PIK3C2A: variants seen among roughly 807,000 people sequenced by gnomAD.
PIK3C2A encodes phosphatidylinositol-4-phosphate 3-kinase catalytic subunit type 2 alpha, also known as phosphatidylinositol 4-phosphate 3-kinase C2 domain-containing subunit alpha.
PIK3C2A carries 97 observed loss-of-function variants against 204.5 expected under a neutral mutation model. The observed-to-expected ratio is 0.47, with a 90% CI of 0.40 to 0.56. The LOEUF (loss-of-function observed/expected upper bound fraction) is 0.56. PIK3C2A is among the 20% of genes least tolerant of loss of function. PIK3C2A has a pLI of 0.00. For missense variants in PIK3C2A, 1,735 were observed against 1,969.2 expected (o/e 0.88, Z 2.25); for synonymous variants, 653 against 664.4 (o/e 0.98, Z 0.26).
In PIK3C2A at chr11:17,135,677, ATG is replaced by A. The variant is rs35017690; in HGVS notation, c.1849-520_1849-519del. On this transcript the variant is annotated intron_variant, in intron 9 of 32. Transcript: ENST00000691414. ...TGATCACCTTCAAGTAATTTCATAT[ATG>A]TGTGTGTGTGTGTGTGTGTGTGTGT... Among the ~76,000 whole-genome samples, 3,581 of 147,460 alleles carry A rather than the reference ATG, an allele frequency of 0.024. 322 individuals are homozygous for A. The East Asian group carries it at 0.34, about 14-fold the overall frequency.
At chr11:17,181,281 T>C (rs949625902) in intron 1 of PIK3C2A, among the ~76,000 whole-genome samples, 2 of 152,042 alleles carry the variant, frequency 1.3e-5, no homozygotes, top group African/African-American at 2.4e-5. Context: ...AATCATGTTT[T>C]GGTCTTTCAG....
chr11:17,143,163 T>C (rs1475559725), intron 8 of PIK3C2A, among the ~76,000 whole-genome samples: 1 of 152,102 alleles, frequency 6.6e-6, no homozygotes, highest in Non-Finnish European at 1.5e-5. Context: ...TGAATAAATA[T>C]ATTTATATGT....
At chr11:17,186,598 T>C (rs1851759526) in intron 1 of PIK3C2A, among the ~76,000 whole-genome samples, 1 of 152,238 alleles carries the variant, frequency 6.6e-6, no homozygotes, top group African/African-American at 2.4e-5. Context: ...TTTAAAGTAT[T>C]TAGAAGCCAT....
At position 17,150,542 on chromosome 11, in the gene PIK3C2A, A is replaced by C. The variant is rs1177772627; in HGVS notation, c.1283T>G (p.Ile428Ser). The stretch of plus-strand genomic sequence containing the variant: ...TGGTAGCTGAAATCCTTCAATGTCA[A>C]TGGAGACCTTCACACTAGCATTTTC... The part of the protein sequence containing the change: ...CGENASVKVS[I>S]DIEGFQLPVT... Residue 428 changes from isoleucine to serine, a missense_variant, in exon 4 of 33, where the codon ATT becomes AGT. By Grantham distance (142) the Ile-to-Ser change is moderately radical. This residue lies in a region of PIK3C2A where 536 missense variants were observed against 546.7 expected (regional missense o/e 0.98). Coordinates refer to ENST00000691414, the MANE Select transcript of PIK3C2A (RefSeq NM_002645.4). The C allele has an allele frequency of 1.9e-6, 3 of 1,610,576 alleles. No individual in the cohort carries two copies. The highest frequency in any genetic ancestry group is 2.7e-5 in the African/African-American group (2 of 74,520).
At position 17,142,002 on chromosome 11, in the gene PIK3C2A, T is replaced by C. The variant is rs149228766; in HGVS notation, c.1704+3666A>G. ...AAAGGGAAATAATGAGGTCAAGTTA[T>C]GCATGTGTAGGGAAGGGGGTATATG... On this transcript the variant is annotated intron_variant, in intron 8 of 32. Coordinates refer to ENST00000691414, the MANE Select transcript of PIK3C2A (RefSeq NM_002645.4). Among the ~76,000 whole-genome samples the C allele has an allele frequency of 5.0e-3, 762 of 152,318 alleles. 4 individuals are homozygous for C. Among genetic ancestry groups the C allele is most frequent in the South Asian group, 7.7e-3 (37 of 4,828 alleles).
chr11:17,150,851 G>C (rs1029564688), intron 3 of PIK3C2A, among the ~76,000 whole-genome samples, 196 bp from the exon 4 acceptor site: 2 of 152,058 alleles, frequency 1.3e-5, no homozygotes, highest in Non-Finnish European at 2.9e-5. Flanking sequence ...AGAAACCCAA[G>C]GAAAAGGAAG....
At chr11:17,145,318 C>A (rs1383944311) in intron 8 of PIK3C2A, among the ~76,000 whole-genome samples, 2 of 152,042 alleles carry the variant, frequency 1.3e-5, no homozygotes, top group East Asian at 3.9e-4. Context: ...AAGGGTGGGA[C>A]CAGATGGCAA....
intron 18 of PIK3C2A, among the ~76,000 whole-genome samples, 200 bp from the exon 19 acceptor site, chr11:17,117,871 A>G (rs1849255589): frequency 1.3e-5 from 2 of 149,976 alleles, no homozygotes; most frequent in Non-Finnish European, 3.0e-5. Context: ...CCGCCACCAC[A>G]CCCGGCTAAT....
Position 17,089,821 on chromosome 11 carries a change from C to T in PIK3C2A, c.4978G>A (p.Gly1660Arg), listed in dbSNP as rs199845096. 20 of 1,613,872 alleles carry T rather than the reference C, an allele frequency of 1.2e-5. No homozygotes were observed. The East Asian group carries it at 4.5e-4, about 36-fold the overall frequency. The change falls in exon 33 of 33, where the codon GGA becomes AGA. Residue 1660 changes from glycine to arginine, a missense_variant. Gly to Arg is a moderately radical substitution (Grantham distance 125). This residue lies in a region of PIK3C2A where 503 missense variants were observed against 669.0 expected (regional missense o/e 0.75). Transcript: ENST00000691414. ...AAATCTTTCAAAGGCAGGGTTACTC[C>T]ACCCAAGAAAAAATTCTCCCGCAGA... is the stretch of plus-strand genomic sequence containing the variant. ...ESLRENFFLG[G>R]VTLPLKDFNL...
chr11:17,134,738 C>G (rs1849814343), intron 11 of PIK3C2A, 81 bp downstream of exon 11: 2 of 1,011,484 alleles, frequency 2.0e-6, no homozygotes, highest in South Asian at 2.7e-5. Context: ...TGGGGTCAAG[C>G]AATCCTCCCA....
chr11:17,193,193 A>G (rs1352672366), intron 1 of PIK3C2A, among the ~76,000 whole-genome samples: 1 of 152,222 alleles, frequency 6.6e-6, no homozygotes, highest in Non-Finnish European at 1.5e-5. Context: ...ACTGTAAGCC[A>G]AATAAATTTA....
At position 17,171,951 on chromosome 11, in the gene PIK3C2A, C is replaced by T. The variant is rs1281822428; in HGVS notation, c.-65-2145G>A. 3.3e-5 allele frequency among the ~76,000 whole-genome samples: 5 copies of T among 152,034 alleles called. No individual in the cohort carries two copies. In the East Asian group the frequency reaches 9.6e-4, roughly 29 times the overall value. Reference sequence around the variant, plus strand: ...TTTTAAAAGGTAAACTAATGGATAGCAGGATAGATGGATAAATATGTGATT... The same window carrying T: ...TTTTAAAAGGTAAACTAATGGATAGTAGGATAGATGGATAAATATGTGATT... On this transcript the variant is annotated intron_variant, in intron 1 of 32. Transcript: ENST00000691414.
At chr11:17,137,849 C>G in intron 8 of PIK3C2A, 1 of 308,728 alleles carries the variant, frequency 3.2e-6, no homozygotes, top group Non-Finnish European at 6.3e-6. Context: ...TAGATTTTGT[C>G]AATTGAACAC....
intron 1 of PIK3C2A, among the ~76,000 whole-genome samples, chr11:17,181,653 T>C (rs1008721900): frequency 0.79 from 81,278 of 102,658 alleles, 30,402 homozygotes; most frequent in Middle Eastern, 0.89. Flanking sequence ...TATATATATA[T>C]ATATATACAC....
chr11:17,116,015 G>A (rs911452569), intron 19 of PIK3C2A, among the ~76,000 whole-genome samples: 2 of 152,030 alleles, frequency 1.3e-5, no homozygotes, highest in African/African-American at 4.8e-5. Flanking sequence ...CTAAAAGCAT[G>A]AGCCACAAAA....
chr11:17,147,373 T>A, intron 6 of PIK3C2A, 144 bp downstream of exon 6: 1 of 584,832 alleles, frequency 1.7e-6, no homozygotes. Flanking sequence ...TCCCCTCATT[T>A]GCTAAGAAGA....
At chr11:17,200,215 G>A (rs1223074042) in intron 1 of PIK3C2A, among the ~76,000 whole-genome samples, 2 of 151,342 alleles carry the variant, frequency 1.3e-5, no homozygotes, top group Admixed American at 6.6e-5. Flanking sequence ...GAAAGTCATC[G>A]TCTTGATCGA....
chr11:17,132,315 A>ATTT (rs11307715), intron 11 of PIK3C2A, among the ~76,000 whole-genome samples: 7 of 78,780 alleles, frequency 8.9e-5, no homozygotes, highest in African/African-American at 2.1e-4. Flanking sequence ...ATTAACTTTA[A>ATTT]TTTTTTTTTT....
intron 26 of PIK3C2A, among the ~76,000 whole-genome samples, chr11:17,097,871 C>T (rs1168408766): frequency 2.6e-5 from 4 of 152,214 alleles, no homozygotes; most frequent in East Asian, 1.9e-4. Flanking sequence ...GCTGAGATTG[C>T]GCCACTGCAC....
Sources: allele counts gnomAD v4.1 joint callset (sites outside exome capture counted in the v4.1 genomes callset), GRCh38; gene constraint gnomAD v4.1.1; regional missense constraint gnomAD v4.1.1; transcripts MANE v1.5; gene names NCBI Gene and HGNC (gene_info 2026-07-23, HGNC 2026-07-21).